HERC3: variants seen among roughly 807,000 people sequenced by gnomAD.
HERC3 encodes the protein HECT and RLD domain containing E3 ubiquitin protein ligase 3, also known as probable E3 ubiquitin-protein ligase HERC3.
A neutral mutation model predicts 129.9 loss-of-function variants in HERC3; 58 were observed. That is an observed-to-expected ratio of 0.45 (90% CI 0.36 to 0.56). The LOEUF is 0.56. Among genes scored for constraint, HERC3 ranks in the 20% least tolerant of loss-of-function variants. The pLI, the probability that HERC3 is intolerant of heterozygous loss-of-function variation, is 0.00. For missense variants in HERC3, 835 were observed against 1,244.2 expected (o/e 0.67, Z 4.95); for synonymous variants, 430 against 451.0 (o/e 0.95, Z 0.59).
rs753054836 is a variant in HERC3 at position 88,704,203 on chromosome 4, A to G, written c.2763A>G (p.Val921=). 3.1e-6 allele frequency: 5 copies of G among 1,614,058 alleles called. No homozygotes were observed. The African/African-American group carries it at 6.7e-5, about 22-fold the overall frequency. ...SGFLKVCGGK[V]LELFQPSELR... Reference sequence around the variant, plus strand: ...TCCTAAAGGTGTGTGGTGGCAAAGTACTTGAGCTCTTCCAGCCTTCAGAAC... The same window carrying G: ...TCCTAAAGGTGTGTGGTGGCAAAGTGCTTGAGCTCTTCCAGCCTTCAGAAC... Residue 921 remains valine (V), a synonymous_variant, in exon 24 of 26, where the codon GTA becomes GTG. Coordinates refer to ENST00000402738, the MANE Select transcript of HERC3 (RefSeq NM_014606.3).
the HERC3 span, among the ~76,000 whole-genome samples, chr4:88,536,653 A>G: frequency 3.3e-5 from 5 of 152,332 alleles, no homozygotes; most frequent in South Asian, 1.0e-3. Context: ...AATGAATGTA[A>G]TATGTCTAGT....
intron 3 of HERC3, among the ~76,000 whole-genome samples, chr4:88,641,587 A>G (rs566331441): frequency 1.6e-3 from 240 of 152,318 alleles, no homozygotes; most frequent in Middle Eastern, 3.4e-3. Context: ...AAAAGAAAAC[A>G]TAAGTTCCCA....
chr4:88,628,428 C>T (rs1254907048), intron 3 of HERC3, among the ~76,000 whole-genome samples: 2 of 151,964 alleles, frequency 1.3e-5, no homozygotes, highest in African/African-American at 4.8e-5. Flanking sequence ...CTTTTATTTA[C>T]AGTGGGTTTT....
At chr4:88,526,149 G>C in the HERC3 span, among the ~76,000 whole-genome samples, 1 of 152,216 alleles carries the variant, frequency 6.6e-6, no homozygotes, top group Non-Finnish European at 1.5e-5. Context: ...ATTTATTATG[G>C]TGAAACTAGT....
the HERC3 span, among the ~76,000 whole-genome samples, chr4:88,525,728 A>C: frequency 6.6e-6 from 1 of 152,242 alleles, no homozygotes; most frequent in African/African-American, 2.4e-5. Flanking sequence ...GACTATCACC[A>C]TGTGTGTATT....
At position 88,708,164 on chromosome 4, in the gene HERC3, T is replaced by G. The variant is rs551605173; in HGVS notation, c.*1204T>G. 22 of 152,708 alleles carry G rather than the reference T, an allele frequency of 1.4e-4. No individual in the cohort carries two copies. The highest frequency in any genetic ancestry group is 4.6e-4 in the African/African-American group (19 of 41,568). 9.5% of individuals were successfully genotyped at this position (152,708 alleles called of 1,614,324 possible). A position where few individuals can be genotyped will look rare whatever the true frequency, so the allele number is the denominator to read the frequency against. On this transcript the variant is annotated 3_prime_UTR_variant, in exon 26 of 26. Coordinates refer to ENST00000402738, the MANE Select transcript of HERC3 (RefSeq NM_014606.3). ...GTTTACAGTGGGATTTTAGGGGGGA[T>G]TGTGTTTAAATCAAATATATGTATT...
chr4:88,591,950 A>G (rs1052105120), upstream of HERC3, among the ~76,000 whole-genome samples: 1 of 150,374 alleles, frequency 6.7e-6, no homozygotes, highest in African/African-American at 2.5e-5. Context: ...GCTGCCGCGT[A>G]CCTCCTTCCC....
intron 20 of HERC3, 149 bp downstream of exon 20, chr4:88,680,385 A>G (rs1408528777): frequency 1.0e-5 from 6 of 577,832 alleles, no homozygotes; most frequent in Non-Finnish European, 1.4e-5. Flanking sequence ...ATGTTTATCC[A>G]GTCTTCATTT....
chr4:88,537,239 C>G, the HERC3 span, among the ~76,000 whole-genome samples: 1 of 152,116 alleles, frequency 6.6e-6, no homozygotes, highest in Non-Finnish European at 1.5e-5. Context: ...GTCCAAGATC[C>G]AATCCAGGAT....
At chr4:88,590,138 A>G (rs1322950280), upstream of HERC3, among the ~76,000 whole-genome samples, 1 of 151,598 alleles carries the variant, frequency 6.6e-6, no homozygotes, top group African/African-American at 2.4e-5. Context: ...TGTGGTGGTG[A>G]GCGCCTGTAA....
chr4:88,704,494 T>TC lies in HERC3; in HGVS notation c.2842-13dup. ...TCCAAGATACATTTTTTTCTTTTTC[T>TC]CTTTTTTGGACAGACTGCCATCTAC... On this transcript the variant is annotated splice_polypyrimidine_tract_variant and intron_variant, in intron 24 of 25. Coordinates refer to ENST00000402738, the MANE Select transcript of HERC3 (RefSeq NM_014606.3). The TC allele has an allele frequency of 6.5e-7, 1 of 1,545,858 alleles. No homozygotes were observed. The highest frequency in any genetic ancestry group is 1.1e-5 in the South Asian group (1 of 88,626).
At chr4:88,534,487 T>G in the HERC3 span, among the ~76,000 whole-genome samples, 7 of 151,750 alleles carry the variant, frequency 4.6e-5, no homozygotes, top group Non-Finnish European at 7.4e-5. Context: ...ACAGTTTTGT[T>G]TTTTTTTTCC....
At chr4:88,530,698 G>A in the HERC3 span, among the ~76,000 whole-genome samples, 1 of 152,164 alleles carries the variant, frequency 6.6e-6, no homozygotes, top group Non-Finnish European at 1.5e-5. Flanking sequence ...ATGTGGACTT[G>A]AGTAAATATT....
At chr4:88,654,165 T>G in intron 7 of HERC3, 32 bp downstream of exon 7, 1 of 1,457,692 alleles carries the variant, frequency 6.9e-7, no homozygotes, top group South Asian at 1.1e-5. Flanking sequence ...ACTTTGGTGC[T>G]GGGGATATGA....
At chr4:88,673,514 T>G (rs1299859970) in intron 16 of HERC3, among the ~76,000 whole-genome samples, 1 of 152,214 alleles carries the variant, frequency 6.6e-6, no homozygotes, top group African/African-American at 2.4e-5. Context: ...ACTTGAAATA[T>G]GGTCCACTAG....
chr4:88,690,340 T>C, intron 23 of HERC3: 1 of 985,416 alleles, frequency 1.0e-6, no homozygotes, highest in Non-Finnish European at 1.2e-6. Flanking sequence ...TTAGCCCAGC[T>C]GATTTCCCTT....
At chr4:88,685,542 A>G (rs1206560066) in intron 21 of HERC3, among the ~76,000 whole-genome samples, 3 of 152,198 alleles carry the variant, frequency 2.0e-5, no homozygotes, top group African/African-American at 4.8e-5. Context: ...GTGGGAGTTG[A>G]ACAATGAGAA....
the HERC3 span, among the ~76,000 whole-genome samples, chr4:88,546,354 G>A: frequency 1.3e-5 from 2 of 152,176 alleles, no homozygotes; most frequent in Admixed American, 1.3e-4. Context: ...TTATAAGGCT[G>A]TATCTAACTT....
intron 23 of HERC3, among the ~76,000 whole-genome samples, chr4:88,691,816 T>A (rs1345630014): frequency 6.6e-6 from 1 of 152,248 alleles, no homozygotes; most frequent in African/African-American, 2.4e-5. Context: ...CAGTCCTAAA[T>A]TATATGACTA....
Sources: gnomAD v4.1 joint callset for allele counts (sites outside exome capture counted in the v4.1 genomes callset) on GRCh38, gnomAD v4.1.1 for gene constraint, MANE v1.5 for transcripts, NCBI Gene and HGNC (gene_info 2026-07-23, HGNC 2026-07-21) for gene names.